CLOCK: variants seen among roughly 807,000 people sequenced by gnomAD.
CLOCK encodes the protein circadian locomoter output cycles protein kaput.
CLOCK carries 43 observed loss-of-function variants against 118.4 expected under a neutral mutation model. The ratio of observed to expected loss-of-function variants is 0.36; its 90% CI spans 0.28 to 0.47. CLOCK has a LOEUF of 0.47. CLOCK is among the 20% of genes least tolerant of loss of function. The pLI, the probability that CLOCK is intolerant of heterozygous loss-of-function variation, is 1.00. For missense variants in CLOCK, 846 were observed against 999.9 expected (o/e 0.85, Z 2.08); for synonymous variants, 326 against 339.2 (o/e 0.96, Z 0.43).
chr4:55,435,759 A>T (rs1352909866), intron 22 of CLOCK, among the ~76,000 whole-genome samples, 165 bp from the exon 23 acceptor site: 4 of 152,204 alleles, frequency 2.6e-5, no homozygotes, highest in Non-Finnish European at 5.9e-5. Context: ...GAAAATGCTT[A>T]TGAGGCCTTC....
chr4:55,506,323 G>A (rs1207879486), intron 2 of CLOCK, among the ~76,000 whole-genome samples: 1 of 151,736 alleles, frequency 6.6e-6, no homozygotes. Context: ...GCTGGGACTA[G>A]GGGTGCATAC....
intron 4 of CLOCK, among the ~76,000 whole-genome samples, chr4:55,481,251 G>A (rs1461708727): frequency 1.3e-5 from 2 of 152,014 alleles, no homozygotes; most frequent in Admixed American, 6.6e-5. Flanking sequence ...TATGAACTTG[G>A]GGATTCCATG....
In CLOCK at chr4:55,430,351, TTTTA is replaced by T. The variant is rs1464709726; in HGVS notation, c.*5060_*5063del. 2 of 152,296 alleles carry T rather than the reference TTTTA, an allele frequency of 1.3e-5. No homozygotes were observed. Among genetic ancestry groups the T allele is most frequent in the East Asian group, 1.9e-4 (1 of 5,182 alleles). 9.4% of individuals were successfully genotyped at this position (152,296 alleles called of 1,614,324 possible). On this transcript the variant is annotated 3_prime_UTR_variant, in exon 23 of 23. Coordinates refer to ENST00000513440, the MANE Select transcript of CLOCK (RefSeq NM_004898.4). ...CACTCACAACAAAACCTGCAGAGTATTTTATTTAAGAAAAACAAGGAATGTAGTG... is the reference window on the plus strand; with the variant it reads ...CACTCACAACAAAACCTGCAGAGTATTTTAAGAAAAACAAGGAATGTAGTG...
At chr4:55,450,067 C>A in intron 16 of CLOCK, 24 bp downstream of exon 16, 1 of 1,613,914 alleles carries the variant, frequency 6.2e-7, no homozygotes, top group Admixed American at 1.7e-5. Context: ...TAAAGGAAGT[C>A]TGCTTTGAAG....
rs764768358 is a variant in CLOCK, at chr4:55,449,474, C to T, written c.1371G>A (p.Thr457=). Residue 457 remains threonine (T), a synonymous_variant, in exon 17 of 23, where the codon ACG becomes ACA. Coordinates refer to ENST00000513440, the MANE Select transcript of CLOCK (RefSeq NM_004898.4). ...DPSSTPTKIP[T]DTSTPPRQHL... ...GCTGCCTGGGTGGAGTGCTCGTATC[C>T]GTCGGGATCTTGGTTGGTGTTGCTG... 6.2e-6 allele frequency: 10 copies of T among 1,613,808 alleles called. No homozygotes were observed. The highest frequency in any genetic ancestry group is 5.0e-5 in the Admixed American group (3 of 59,992).
chr4:55,461,792 T>C (rs779314625), intron 9 of CLOCK, among the ~76,000 whole-genome samples: 2 of 152,170 alleles, frequency 1.3e-5, no homozygotes, highest in African/African-American at 2.4e-5. Flanking sequence ...CTTTCCACTA[T>C]TTACCTGATT....
intron 1 of CLOCK, among the ~76,000 whole-genome samples, chr4:55,542,789 G>A (rs1456213707): frequency 6.6e-6 from 1 of 152,112 alleles, no homozygotes; most frequent in Non-Finnish European, 1.5e-5. Flanking sequence ...AGCTCAAGAG[G>A]CTGGTGTAAT....
intron 1 of CLOCK, among the ~76,000 whole-genome samples, chr4:55,539,001 G>C (rs1358293564): frequency 6.6e-6 from 1 of 152,180 alleles, no homozygotes; most frequent in Non-Finnish European, 1.5e-5. Flanking sequence ...GGAGGCCAAG[G>C]TGGGCAGATC....
chr4:55,482,357 ATAGT>A (rs1318728077), intron 4 of CLOCK, among the ~76,000 whole-genome samples: 3 of 152,202 alleles, frequency 2.0e-5, no homozygotes, highest in Admixed American at 6.5e-5. Context: ...AATCCTAATT[ATAGT>A]TACTTCTTAT....
chr4:55,479,636 C>T lies in CLOCK; in HGVS notation c.107+4G>A. ...TTACTATTTTATATCTCTAATCAAA[C>T]TACCTTTTCGCTTTGTCCTTGTCAT... is the stretch of plus-strand genomic sequence containing the variant. On this transcript the variant is annotated splice_donor_region_variant and intron_variant, in intron 5 of 22. Transcript: ENST00000513440. The T allele has an allele frequency of 6.2e-7, 1 of 1,606,396 alleles. No individual in the cohort carries two copies. The highest frequency in any genetic ancestry group is 2.2e-5 in the East Asian group (1 of 44,644).
chr4:55,474,491 C>T (rs911182169), intron 7 of CLOCK, among the ~76,000 whole-genome samples: 1 of 152,188 alleles, frequency 6.6e-6, no homozygotes, highest in Non-Finnish European at 1.5e-5. Flanking sequence ...AAGGTCGCTA[C>T]ACTAGATACC....
intron 2 of CLOCK, among the ~76,000 whole-genome samples, chr4:55,505,955 T>TC (rs1468906169): frequency 2.0e-5 from 3 of 151,896 alleles, no homozygotes; most frequent in Non-Finnish European, 4.4e-5. Flanking sequence ...TCTAAATACT[T>TC]CAACTATACC....
Position 55,531,270 on chromosome 4 carries a change from G to A in CLOCK, c.-290+15512C>T, listed in dbSNP as rs554227061. On this transcript the variant is annotated intron_variant, in intron 1 of 22. Transcript: ENST00000513440. ...CCCCAGCACTATAATTAAGTAAAGTGTAAGTGAGCTAAATCCTCATCTTTC... is the reference window on the plus strand; with the variant it reads ...CCCCAGCACTATAATTAAGTAAAGTATAAGTGAGCTAAATCCTCATCTTTC... 3.9e-5 allele frequency among the ~76,000 whole-genome samples: 6 copies of A among 152,032 alleles called. No homozygotes were observed. The East Asian group carries it at 1.2e-3, about 29-fold the overall frequency.
chr4:55,544,817 T>C (rs1731501081), intron 1 of CLOCK, among the ~76,000 whole-genome samples: 1 of 152,186 alleles, frequency 6.6e-6, no homozygotes, highest in Admixed American at 6.5e-5. Flanking sequence ...TTGTTAGTTT[T>C]CTAAATCCTC....
At chr4:55,454,613 C>CAAA (rs10566273) in intron 13 of CLOCK, among the ~76,000 whole-genome samples, 13 of 69,488 alleles carry the variant, frequency 1.9e-4, no homozygotes, top group South Asian at 7.3e-4. Flanking sequence ...GACTCCATCC[C>CAAA]AAAAAAAAAA....
chr4:55,517,061 A>C (rs1352994721), intron 1 of CLOCK, among the ~76,000 whole-genome samples: 1 of 152,196 alleles, frequency 6.6e-6, no homozygotes, highest in African/African-American at 2.4e-5. Flanking sequence ...AGCATACATA[A>C]TTGAATACAC....
At position 55,503,073 on chromosome 4, in the gene CLOCK, A is replaced by T. The variant is rs148332899; in HGVS notation, c.-136+6839T>A. On this transcript the variant is annotated intron_variant, in intron 2 of 22. Transcript: ENST00000513440. The stretch of plus-strand genomic sequence containing the variant: ...AATGGGAATGTAAATTAATTTAACT[A>T]CTTTGGAAAACTAGGATAATCTCCT... 2.0e-5 allele frequency among the ~76,000 whole-genome samples: 3 copies of T among 152,328 alleles called. No individual in the cohort carries two copies. The East Asian group carries it at 5.8e-4, about 29-fold the overall frequency.
intron 7 of CLOCK, among the ~76,000 whole-genome samples, chr4:55,474,908 ATGT>A (rs1307232185): frequency 2.0e-5 from 3 of 152,228 alleles, no homozygotes; most frequent in Admixed American, 6.5e-5. Flanking sequence ...AAGGAGATTA[ATGT>A]TGTTTTCATG....
Position 55,470,458 on chromosome 4 carries a change from G to A in CLOCK, c.438+259C>T, listed in dbSNP as rs182965919. ...GGTTTTTATAAGTATACTCTATGAT[G>A]TTCACACAGTGACAAAAGTGCCTCA... On this transcript the variant is annotated intron_variant, in intron 8 of 22. Transcript: ENST00000513440. Among the ~76,000 whole-genome samples, 54 of 152,224 alleles carry A rather than the reference G, an allele frequency of 3.5e-4. No homozygotes were observed. In the East Asian group the frequency reaches 8.9e-3, roughly 25 times the overall value.
Sources: allele counts gnomAD v4.1 joint callset (sites outside exome capture counted in the v4.1 genomes callset), GRCh38; gene constraint gnomAD v4.1.1; transcripts MANE v1.5; gene names NCBI Gene and HGNC (gene_info 2026-07-23, HGNC 2026-07-21).